Variants in TRAPPC9 observed in about 807,000 individuals in gnomAD.
The protein encoded by TRAPPC9 is IKK2 binding protein.
Under a neutral mutation model 124.0 loss-of-function variants are expected in TRAPPC9, and 83 were observed. The observed-to-expected ratio is 0.67, with a 90% CI of 0.56 to 0.80. The LOEUF is 0.80. Among genes scored for constraint, TRAPPC9 ranks in the 30% least tolerant of loss-of-function variants. The probability of loss-of-function intolerance (pLI) is 0.00; values close to 1 mark genes in which losing one functional copy is unlikely to be tolerated. For missense variants in TRAPPC9, 1,302 were observed against 1,508.3 expected, an observed-to-expected ratio of 0.86 and a Z score of 2.27; for synonymous variants, 638 against 617.5, an observed-to-expected ratio of 1.03 and a Z score of -0.49.
At chr8:139,952,546 G>A (rs1194339584) in intron 19 of TRAPPC9, among the ~76,000 whole-genome samples, 2 of 152,222 alleles carry the variant, frequency 1.3e-5, no homozygotes, top group Non-Finnish European at 2.9e-5. Flanking sequence ...CTCCCCGGGA[G>A]CAGTGAACAA....
Position 139,731,103 on chromosome 8 carries a change from G to T in TRAPPC9, c.3405C>A (p.Cys1135Ter), listed in dbSNP as rs1324290525. The change falls in exon 23 of 23, where the codon TGC becomes TGA. Residue 1135 changes from cysteine to a stop codon, truncating the protein, a stop_gained. Transcript: ENST00000438773. LOFTEE classifies it high-confidence loss of function. ...GGGCACACACGTGCACACTGGGCAG[G>T]CAGAACCAAGAGGGTGGCAGCTCCT... ...TSKELPPSWF[C>*]LPSVHVCALE... The T allele has an allele frequency of 9.9e-6, 16 of 1,613,802 alleles. No homozygotes were observed. Among genetic ancestry groups the T allele is most frequent in the Non-Finnish European group, 1.4e-5 (16 of 1,180,028 alleles).
chr8:140,094,654 C>A (rs556974863), intron 17 of TRAPPC9, among the ~76,000 whole-genome samples: 2 of 152,160 alleles, frequency 1.3e-5, no homozygotes, highest in African/African-American at 2.4e-5. Context: ...AGAAGAGGGC[C>A]TCGTCCTGTA....
chr8:139,953,727 C>T (rs1834807693), intron 19 of TRAPPC9, among the ~76,000 whole-genome samples: 1 of 152,178 alleles, frequency 6.6e-6, no homozygotes, highest in Admixed American at 6.5e-5. Flanking sequence ...AACAGCCCAA[C>T]TTTATTTAAA....
chr8:139,902,196 C>A (rs77286494), intron 20 of TRAPPC9, among the ~76,000 whole-genome samples: 3,738 of 152,302 alleles, frequency 0.025, 176 homozygotes, highest in African/African-American at 0.085. Context: ...AGGCCCTTCC[C>A]CGCTCTCATG....
At chr8:139,887,089 CAAG>C (rs1830060824) in intron 20 of TRAPPC9, among the ~76,000 whole-genome samples, 1 of 152,070 alleles carries the variant, frequency 6.6e-6, no homozygotes, top group South Asian at 2.1e-4. Context: ...GCTGTCCAGA[CAAG>C]AAGGCTGCCC....
intron 9 of TRAPPC9, among the ~76,000 whole-genome samples, chr8:140,345,682 A>G (rs907456788): frequency 6.6e-6 from 1 of 152,182 alleles, no homozygotes; most frequent in East Asian, 1.9e-4. Flanking sequence ...ACTCCCACAC[A>G]TTTCCAAACT....
At position 140,405,618 on chromosome 8, in the gene TRAPPC9, T is replaced by A. The variant is rs763749529; in HGVS notation, c.967A>T (p.Ile323Leu). The change falls in exon 6 of 23, where the codon ATA (isoleucine) becomes TTA (leucine). Residue 323 changes from isoleucine to leucine, a missense_variant. By Grantham distance (5) the Ile-to-Leu change is conservative (BLOSUM62 2). Around this residue, in one of 3 missense-constraint regions of TRAPPC9, gnomAD observed 657 missense variants for 811.2 expected, o/e 0.81. Coordinates refer to ENST00000438773, the MANE Select transcript of TRAPPC9 (RefSeq NM_001160372.4). ...ATCGCCTCTTTATACTTGTCAATTATGTCTTCAGGGCTAAGGCAGTTCTTA... is the reference window on the plus strand; with the variant it reads ...ATCGCCTCTTTATACTTGTCAATTAAGTCTTCAGGGCTAAGGCAGTTCTTA... ...RAKNCLSPEDIIDKYKEAISY... is the reference protein window; with the variant it reads ...RAKNCLSPEDLIDKYKEAISY... The A allele has an allele frequency of 6.2e-7, 1 of 1,614,186 alleles. No individual in the cohort carries two copies. Among genetic ancestry groups the A allele is most frequent in the Admixed American group, 1.7e-5 (1 of 60,028 alleles).
At position 140,224,139 on chromosome 8, in the gene TRAPPC9, G is replaced by A. The variant is rs552403050; in HGVS notation, c.2432-2556C>T. Among the ~76,000 whole-genome samples, 14 of 152,312 alleles carry A rather than the reference G, an allele frequency of 9.2e-5. No individual in the cohort carries two copies. The East Asian group carries it at 2.7e-3, about 29-fold the overall frequency. ...ACTGGCCCCTCTTCAAGCACTGCAT[G>A]TGGGCAGCAAAGGTCCACCTGATGT... On this transcript the variant is annotated intron_variant, in intron 16 of 22. Transcript: ENST00000438773.
intron 18 of TRAPPC9, among the ~76,000 whole-genome samples, chr8:139,993,501 G>T (rs1837771096): frequency 6.6e-6 from 1 of 152,198 alleles, no homozygotes; most frequent in South Asian, 2.1e-4. Context: ...CCTTCAGACA[G>T]AAAAAGAGTT....
intron 18 of TRAPPC9, among the ~76,000 whole-genome samples, chr8:140,018,035 G>C (rs1839583538): frequency 6.6e-6 from 1 of 152,034 alleles, no homozygotes; most frequent in Admixed American, 6.6e-5. Flanking sequence ...AGCAGAGAGT[G>C]GGTTTCACCA....
intron 17 of TRAPPC9, among the ~76,000 whole-genome samples, chr8:140,077,832 G>A (rs577096116): frequency 5.2e-4 from 79 of 152,286 alleles, no homozygotes; most frequent in Non-Finnish European, 9.3e-4. Flanking sequence ...CAGGACCGCA[G>A]GGCCAGAACA....
chr8:139,831,975 C>A (rs1034317217), intron 21 of TRAPPC9, among the ~76,000 whole-genome samples: 2 of 152,198 alleles, frequency 1.3e-5, no homozygotes, highest in Non-Finnish European at 2.9e-5. Context: ...TATCCCTTCT[C>A]CTCTCCGTGA....
At chr8:140,452,698 G>A (rs2071510019) in intron 1 of TRAPPC9, among the ~76,000 whole-genome samples, 1 of 152,138 alleles carries the variant, frequency 6.6e-6, no homozygotes, top group Admixed American at 6.6e-5. Flanking sequence ...TGGCTCATAG[G>A]AGATCCTCAA....
chr8:140,076,595 C>T (rs536289246), intron 17 of TRAPPC9, among the ~76,000 whole-genome samples: 3 of 152,216 alleles, frequency 2.0e-5, no homozygotes, highest in African/African-American at 7.2e-5. Context: ...CCTCTGGGTG[C>T]CCATCTGAAA....
At chr8:140,197,551 T>C (rs1019103866) in intron 17 of TRAPPC9, among the ~76,000 whole-genome samples, 7 of 152,182 alleles carry the variant, frequency 4.6e-5, no homozygotes, top group South Asian at 2.1e-4. Context: ...AGCCCTGCTA[T>C]TGAGATGCAT....
chr8:140,046,045 G>GA (rs141367488), intron 17 of TRAPPC9, among the ~76,000 whole-genome samples: 17,787 of 151,850 alleles, frequency 0.12, 1,480 homozygotes, highest in East Asian at 0.39. Context: ...ATCTAGATGG[G>GA]AGGATGGGAC....
chr8:139,785,934 G>A (rs1435521919), intron 21 of TRAPPC9, among the ~76,000 whole-genome samples: 4 of 151,894 alleles, frequency 2.6e-5, no homozygotes, highest in Admixed American at 6.6e-5. Flanking sequence ...AAGGCCAGGT[G>A]CAGTGGTTCA....
At chr8:140,318,499 G>A (rs539283103) in intron 9 of TRAPPC9, among the ~76,000 whole-genome samples, 13 of 152,282 alleles carry the variant, frequency 8.5e-5, no homozygotes, top group Admixed American at 4.6e-4. Flanking sequence ...TCTAACTGAG[G>A]CTTTCTACCT....
At chr8:139,999,667 C>A (rs1222725703) in intron 18 of TRAPPC9, among the ~76,000 whole-genome samples, 1 of 151,876 alleles carries the variant, frequency 6.6e-6, no homozygotes, top group Non-Finnish European at 1.5e-5. Context: ...ACATTCTAGG[C>A]CACAGAAAAA....
Sources: allele counts gnomAD v4.1 joint callset (sites outside exome capture counted in the v4.1 genomes callset), GRCh38; gene constraint gnomAD v4.1.1; regional missense constraint gnomAD v4.1.1; transcripts MANE v1.5; gene names NCBI Gene and HGNC (gene_info 2026-07-23, HGNC 2026-07-21).